Variants in INO80E observed in about 807,000 individuals in gnomAD.
INO80E encodes the protein coiled-coil domain containing 95.
A neutral mutation model predicts 27.3 loss-of-function variants in INO80E; 20 were observed. The ratio of observed to expected loss-of-function variants is 0.73; its 90% CI spans 0.51 to 1.06. The LOEUF (loss-of-function observed/expected upper bound fraction) is 1.06. INO80E is among the 50% of genes least tolerant of loss of function. The pLI, the probability that INO80E is intolerant of heterozygous loss-of-function variation, is 0.00. For synonymous variants in INO80E, 167 were observed against 145.9 expected, an observed-to-expected ratio of 1.14 and a Z score of -1.04; for missense variants, 357 against 322.8, an observed-to-expected ratio of 1.11 and a Z score of -0.81.
At chr16:29,999,044 CAA>C (rs539871845) in intron 3 of INO80E, among the ~76,000 whole-genome samples, 7 of 123,476 alleles carry the variant, frequency 5.7e-5, no homozygotes, top group Non-Finnish European at 8.7e-5. Context: ...GACTCCGTCT[CAA>C]AAAAAAAAAA....
intron 3 of INO80E, among the ~76,000 whole-genome samples, chr16:29,997,929 A>G (rs1266858952): frequency 6.6e-6 from 1 of 151,970 alleles, no homozygotes; most frequent in Non-Finnish European, 1.5e-5. Flanking sequence ...CAATTAAAAA[A>G]AAATTAGCCA....
intron 6 of INO80E, 47 bp downstream of exon 6, chr16:30,001,577 C>A: frequency 1.3e-6 from 2 of 1,564,330 alleles, no homozygotes; most frequent in Non-Finnish European, 1.7e-6. Flanking sequence ...GGCAGGAGGA[C>A]AGTCACCTGA....
intron 3 of INO80E, 62 bp from the exon 4 acceptor site, chr16:30,000,696 T>C (rs535453174): frequency 7.1e-7 from 1 of 1,402,172 alleles, no homozygotes; most frequent in Non-Finnish European, 1.0e-6. Flanking sequence ...TAGAGGAGGT[T>C]ATACCTTTCT....
rs149544726 is a variant in INO80E at position 30,000,954 on chromosome 16, G to A, written c.310G>A (p.Ala104Thr). ...KRKRSPPLGG[A>T]PSPSSLSLPP... ...GAAGAGAAGCCCTCCGCTGGGGGGC[G>A]CCCCCTCTCCCTCCAGCCTCTCCCT... The change falls in exon 5 of 7, where the codon GCC becomes ACC. Residue 104 changes from alanine (A) to threonine (T), a missense_variant. Ala to Thr is a moderately conservative substitution (Grantham distance 58). Coordinates refer to ENST00000563197, the MANE Select transcript of INO80E (RefSeq NM_173618.3). 2.6e-4 allele frequency: 418 copies of A among 1,580,758 alleles called. No individual in the cohort carries two copies. The highest frequency in any genetic ancestry group is 5.1e-4 in the Middle Eastern group (3 of 5,890).
rs1407059445 is a variant in INO80E at position 30,000,817 on chromosome 16, G to C, written c.265G>C (p.Asp89His). The C allele has an allele frequency of 1.9e-6, 3 of 1,614,074 alleles. No homozygotes were observed. The highest frequency in any genetic ancestry group is 4.5e-5 in the East Asian group (2 of 44,900). Residue 89 changes from aspartate (D) to histidine (H), a missense_variant, in exon 4 of 7, where the codon GAC (aspartate) becomes CAC (histidine). By Grantham distance (81) the Asp-to-His change is moderately conservative. Coordinates refer to ENST00000563197, the MANE Select transcript of INO80E (RefSeq NM_173618.3). ...GACGGAGGGGACACCCAAGTTGTCT[G>C]ACACACCGGCCCCTAAGAGGTGAGA... ...SETEGTPKLS[D>H]TPAPKRKRSP...
At chr16:30,004,443 C>G (rs2070466155) in intron 6 of INO80E, 1 of 152,806 alleles carries the variant, frequency 6.5e-6, no homozygotes, top group South Asian at 2.1e-4. Context: ...CCTCAGAGGA[C>G]AAAGCAGGAC....
intron 2 of INO80E, 50 bp from the exon 3 acceptor site, chr16:29,996,758 A>C (rs756850190): frequency 1.1e-5 from 18 of 1,605,674 alleles, no homozygotes; most frequent in Non-Finnish European, 1.5e-5. Context: ...ACCCAGGAGG[A>C]CATTGCTGCG....
Position 29,996,795 on chromosome 16 carries a change from T to TCCCTC in INO80E, c.153-7_153-3dup. The TCCCTC allele has an allele frequency of 6.2e-7, 1 of 1,613,870 alleles. No individual in the cohort carries two copies. Among genetic ancestry groups the TCCCTC allele is most frequent in the South Asian group, 1.1e-5 (1 of 91,058 alleles). On this transcript the variant is annotated splice_polypyrimidine_tract_variant and intron_variant, in intron 2 of 6. Coordinates refer to ENST00000563197, the MANE Select transcript of INO80E (RefSeq NM_173618.3). The stretch of plus-strand genomic sequence containing the variant: ...TGGAAAATCACTGTCCGTGTCTCCT[T>TCCCTC]CCCTCCCCTCAGTTTCCTCCTAGAC...
rs745974383 is a variant in INO80E, at chr16:30,000,766, G to A, written c.214G>A (p.Ala72Thr). 2.6e-5 allele frequency: 42 copies of A among 1,614,050 alleles called. 2 individuals carry two copies. The South Asian group carries it at 4.6e-4, about 18-fold the overall frequency. The change falls in exon 4 of 7, where the codon GCC (alanine) becomes ACC (threonine). Residue 72 changes from alanine (A) to threonine (T), a missense_variant. Coordinates refer to ENST00000563197, the MANE Select transcript of INO80E (RefSeq NM_173618.3). Reference protein sequence around the residue: ...NVDEDSSDSDATASSDNSETE... With the variant: ...NVDEDSSDSDTTASSDNSETE... ...AGCTGTCCCCATCACAGACTCAGAT[G>A]CCACTGCATCATCAGATAACAGCGA...
chr16:30,000,186 G>A (rs1223890787), intron 3 of INO80E, among the ~76,000 whole-genome samples: 1 of 152,086 alleles, frequency 6.6e-6, no homozygotes, highest in African/African-American at 2.4e-5. Flanking sequence ...GAGAGGTGGT[G>A]AGTGGGAAAG....
At position 30,005,554 on chromosome 16, in the gene INO80E, G is replaced by T; in HGVS notation, c.*112G>T. On this transcript the variant is annotated 3_prime_UTR_variant, in exon 7 of 7. Coordinates refer to ENST00000563197, the MANE Select transcript of INO80E (RefSeq NM_173618.3). Reference sequence around the variant, plus strand: ...TATTGATGCCCAGCTGCCATGCTCCGGCCACTGACACAACCAGAAAAGGCG... The same window carrying T: ...TATTGATGCCCAGCTGCCATGCTCCTGCCACTGACACAACCAGAAAAGGCG... 7 of 1,037,090 alleles carry T rather than the reference G, an allele frequency of 6.7e-6. No individual in the cohort carries two copies. Among genetic ancestry groups the T allele is most frequent in the Non-Finnish European group, 1.0e-5 (7 of 700,236 alleles). The allele number at this position is 1,037,090 out of a possible 1,614,324, so 64.2% of individuals were successfully genotyped here. A position where few individuals can be genotyped will look rare whatever the true frequency, so the allele number is the denominator to read the frequency against.
chr16:29,999,409 C>T (rs150407488), intron 3 of INO80E: 1 of 152,396 alleles, frequency 6.6e-6, no homozygotes, highest in Admixed American at 6.5e-5. Context: ...TGGAGGCCCA[C>T]GCCCTGGCCA....
Position 30,005,464 on chromosome 16 carries a change from ACCACGGCCCCGCCCGGCGCCCT to A in INO80E, c.*25_*46del. The A allele has an allele frequency of 1.3e-6, 2 of 1,575,504 alleles. No individual in the cohort carries two copies. Among genetic ancestry groups the A allele is most frequent in the Non-Finnish European group, 1.7e-6 (2 of 1,161,068 alleles). ...GTGACCGTGACATCACGCCATGCCC[ACCACGGCCCCGCCCGGCGCCCT>A]CCCCGTGCCAGCACACACGAGTCCA... On this transcript the variant is annotated 3_prime_UTR_variant, in exon 7 of 7. Coordinates refer to ENST00000563197, the MANE Select transcript of INO80E (RefSeq NM_173618.3).
chr16:30,001,365 C>A (rs1310533997), intron 5 of INO80E, 49 bp from the exon 6 acceptor site: 1 of 1,536,854 alleles, frequency 6.5e-7, no homozygotes, highest in East Asian at 2.4e-5. Context: ...CCCCCACCCT[C>A]ACCCCGGTCC....
chr16:30,001,361 C>A, intron 5 of INO80E, 53 bp from the exon 6 acceptor site: 2 of 1,533,682 alleles, frequency 1.3e-6, no homozygotes, highest in Non-Finnish European at 8.8e-7. Context: ...TCTTCCCCCA[C>A]CCTCACCCCG....
At chr16:29,997,979 G>C (rs1332677755) in intron 3 of INO80E, among the ~76,000 whole-genome samples, 1 of 151,824 alleles carries the variant, frequency 6.6e-6, no homozygotes, top group Non-Finnish European at 1.5e-5. Context: ...CTACTTGGGA[G>C]GCAGAACCAG....
intron 3 of INO80E, 90 bp from the exon 4 acceptor site, chr16:30,000,668 C>T (rs1164045798): frequency 1.0e-5 from 11 of 1,055,270 alleles, no homozygotes; most frequent in Admixed American, 5.7e-5. Flanking sequence ...CCTGGTCTTC[C>T]AGTGCCCTTC....
At chr16:29,996,475 G>A in intron 1 of INO80E, 72 bp from the exon 2 acceptor site, 1 of 1,550,280 alleles carries the variant, frequency 6.5e-7, no homozygotes, top group Non-Finnish European at 8.7e-7. Context: ...AGTGGGTGGG[G>A]CGAGCGGCCG....
At position 30,001,398 on chromosome 16, in the gene INO80E, C is replaced by T. The variant is rs779555127; in HGVS notation, c.397-16C>T. 16 of 1,572,256 alleles carry T rather than the reference C, an allele frequency of 1.0e-5. No individual in the cohort carries two copies. In the East Asian group the frequency reaches 3.7e-4, roughly 37 times the overall value. On this transcript the variant is annotated splice_polypyrimidine_tract_variant and intron_variant, in intron 5 of 6. Coordinates refer to ENST00000563197, the MANE Select transcript of INO80E (RefSeq NM_173618.3). ...TCCATTCCGCCTCCCATCTCCATCCCCGCTCCCGCCCGCAGCTGGCCTCCT... is the reference window on the plus strand; with the variant it reads ...TCCATTCCGCCTCCCATCTCCATCCTCGCTCCCGCCCGCAGCTGGCCTCCT...
Sources: gnomAD v4.1 joint callset for allele counts (sites outside exome capture counted in the v4.1 genomes callset) on GRCh38, gnomAD v4.1.1 for gene constraint, MANE v1.5 for transcripts, NCBI Gene and HGNC (gene_info 2026-07-23, HGNC 2026-07-21) for gene names.